The following NNMT variants were observed in gnomAD, a reference collection of about 807,000 sequenced individuals.
The protein encoded by NNMT is nicotinamide N-methyltransferase.
A neutral mutation model predicts 11.7 loss-of-function variants in NNMT; 10 were observed. That is an observed-to-expected ratio of 0.85 (90% CI 0.53 to 1.45). The LOEUF is 1.45. Among genes scored for constraint, NNMT ranks in the 40% most tolerant of loss-of-function variants. The pLI, the probability that NNMT is intolerant of heterozygous loss-of-function variation, is 0.00. For synonymous variants in NNMT, 143 were observed against 133.8 expected, an observed-to-expected ratio of 1.07 and a Z score of -0.48; for missense variants, 381 against 319.4, an observed-to-expected ratio of 1.19 and a Z score of -1.47.
chr11:114,293,334 G>T (rs942053272), upstream of NNMT, among the ~76,000 whole-genome samples: 1 of 152,140 alleles, frequency 6.6e-6, no homozygotes, highest in East Asian at 2.0e-4. Flanking sequence ...TACCACACAG[G>T]TTTCCTTTAC....
intron 2 of NNMT, among the ~76,000 whole-genome samples, chr11:114,284,590 A>G (rs926289988): frequency 3.3e-5 from 5 of 151,886 alleles, no homozygotes; most frequent in Non-Finnish European, 5.9e-5. Context: ...CAGCCTCCCA[A>G]GTAGCTGGGA....
At position 114,312,967 on chromosome 11, in the gene NNMT, A is replaced by G. The variant is rs893547094; in HGVS notation, c.*490A>G. ...TGGGTATAGCTGTTTGCTAGACTCC[A>G]CTCTGGCCTCAGGGGCCAGAGAACA... On this transcript the variant is annotated 3_prime_UTR_variant, in exon 3 of 3. Transcript: ENST00000299964. The G allele has an allele frequency of 2.0e-5, 3 of 153,414 alleles. No homozygotes were observed. Among genetic ancestry groups the G allele is most frequent in the African/African-American group, 7.2e-5 (3 of 41,382 alleles). The allele number at this position is 153,414 out of a possible 1,614,324, so 9.5% of individuals were successfully genotyped here.
intron 2 of NNMT, among the ~76,000 whole-genome samples, chr11:114,265,900 G>A (rs2135243068): frequency 6.6e-6 from 1 of 152,046 alleles, no homozygotes; most frequent in Non-Finnish European, 1.5e-5. Context: ...GGTTACCTTG[G>A]GGTCATCTGC....
At chr11:114,272,419 G>A (rs1945176562) in intron 2 of NNMT, among the ~76,000 whole-genome samples, 1 of 152,206 alleles carries the variant, frequency 6.6e-6, no homozygotes, top group Non-Finnish European at 1.5e-5. Context: ...CCCTGGGGCA[G>A]GGTTAGAGAG....
At chr11:114,268,887 C>T (rs184767852) in intron 2 of NNMT, among the ~76,000 whole-genome samples, 243 of 151,876 alleles carry the variant, frequency 1.6e-3, no homozygotes, top group African/African-American at 5.6e-3. Context: ...AGGTTTTGTC[C>T]GGTTTTGTCC....
At chr11:114,272,261 T>A (rs7930540) in intron 2 of NNMT, among the ~76,000 whole-genome samples, 41,556 of 152,026 alleles carry the variant, frequency 0.27, 6,025 homozygotes, top group East Asian at 0.4. Context: ...CCAGCCGGAA[T>A]CTTTTGGGAA....
upstream of NNMT, among the ~76,000 whole-genome samples, chr11:114,292,711 A>G (rs757040643): frequency 6.7e-6 from 1 of 149,826 alleles, no homozygotes; most frequent in African/African-American, 2.6e-5. Flanking sequence ...GAGGGTCATT[A>G]CAAGGAAACA....
chr11:114,260,984 T>G (rs1945075531), intron 1 of NNMT, among the ~76,000 whole-genome samples: 1 of 152,198 alleles, frequency 6.6e-6, no homozygotes, highest in Non-Finnish European at 1.5e-5. Flanking sequence ...CCACCCATCC[T>G]CAGGACAATT....
At chr11:114,288,839 A>G (rs1173671018) in intron 2 of NNMT, among the ~76,000 whole-genome samples, 2 of 152,182 alleles carry the variant, frequency 1.3e-5, no homozygotes, top group Non-Finnish European at 2.9e-5. Context: ...CCAGACAATA[A>G]CTTGTTTAGG....
chr11:114,298,329 TG>T, intron 2 of NNMT, 171 bp downstream of exon 2: 1 of 604,844 alleles, frequency 1.7e-6, no homozygotes, highest in Non-Finnish European at 2.9e-6. Context: ...TTAGTAAATT[TG>T]TGTATGTGCA....
intron 1 of NNMT, among the ~76,000 whole-genome samples, chr11:114,296,926 C>T (rs1460889944): frequency 6.6e-6 from 1 of 152,146 alleles, no homozygotes; most frequent in South Asian, 2.1e-4. Flanking sequence ...AAAAGGAAAC[C>T]AGAGGACCGG....
At chr11:114,263,419 CTG>C (rs1345430160) in intron 2 of NNMT, among the ~76,000 whole-genome samples, 2 of 152,240 alleles carry the variant, frequency 1.3e-5, no homozygotes, top group Non-Finnish European at 2.9e-5. Context: ...GCTTATCTGA[CTG>C]TGTGCTTACT....
chr11:114,306,613 C>T (rs1022233405), intron 2 of NNMT, among the ~76,000 whole-genome samples: 5 of 152,128 alleles, frequency 3.3e-5, no homozygotes, highest in Non-Finnish European at 7.3e-5. Flanking sequence ...GGAATCCTTT[C>T]CCTATTTCTT....
At chr11:114,266,354 C>G (rs115564590) in intron 2 of NNMT, among the ~76,000 whole-genome samples, 17 of 152,158 alleles carry the variant, frequency 1.1e-4, no homozygotes, top group African/African-American at 4.1e-4. Context: ...TTCTAACTAG[C>G]TATCTTGCTC....
chr11:114,278,531 G>T (rs1201115135), intron 2 of NNMT, among the ~76,000 whole-genome samples: 1 of 152,164 alleles, frequency 6.6e-6, no homozygotes, highest in African/African-American at 2.4e-5. Flanking sequence ...CACCTGGTGT[G>T]ATAGAACAGG....
At chr11:114,309,720 A>G (rs992751670) in intron 2 of NNMT, among the ~76,000 whole-genome samples, 2 of 152,196 alleles carry the variant, frequency 1.3e-5, no homozygotes, top group Admixed American at 6.5e-5. Context: ...ATCACAATCA[A>G]TTTTACAACA....
At position 114,311,287 on chromosome 11, in the gene NNMT, G is replaced by A. The variant is rs149211199; in HGVS notation, c.363-758G>A. Among the ~76,000 whole-genome samples the A allele has an allele frequency of 5.3e-5, 8 of 152,310 alleles. No individual in the cohort carries two copies. The East Asian group carries it at 7.7e-4, about 15-fold the overall frequency. On this transcript the variant is annotated intron_variant, in intron 2 of 2. Coordinates refer to ENST00000299964, the MANE Select transcript of NNMT (RefSeq NM_006169.3). ...TGAGGCTGCAGTGAGCTGTGATGGC[G>A]CCACTGCGCTCCATCCTGTGCAACA... is the stretch of plus-strand genomic sequence containing the variant.
chr11:114,296,864 G>A (rs140273224), intron 1 of NNMT, among the ~76,000 whole-genome samples, 154 bp downstream of exon 1: 2 of 152,254 alleles, frequency 1.3e-5, no homozygotes, highest in South Asian at 2.1e-4. Context: ...TTGGTATAGC[G>A]ATTCCACAGT....
At chr11:114,302,647 A>C (rs949374) in intron 2 of NNMT, among the ~76,000 whole-genome samples, 24,491 of 152,134 alleles carry the variant, frequency 0.16, 2,082 homozygotes, top group African/African-American at 0.19. Flanking sequence ...AATAGTGTTA[A>C]GTATAGTCAC....
Sources: gnomAD v4.1 joint callset for allele counts (sites outside exome capture counted in the v4.1 genomes callset) on GRCh38, gnomAD v4.1.1 for gene constraint, MANE v1.5 for transcripts, NCBI Gene and HGNC (gene_info 2026-07-23, HGNC 2026-07-21) for gene names.